The following NECAB2 variants were observed in gnomAD, a reference collection of about 807,000 sequenced individuals.
NECAB2 encodes the protein N-terminal EF-hand calcium-binding protein 2.
In NECAB2, 68 loss-of-function variants were observed where a neutral mutation model predicts 51.9. The observed-to-expected ratio is 1.31, with a 90% CI of 1.08 to 1.60. The LOEUF is 1.60. Among genes scored for constraint, NECAB2 ranks in the 40% most tolerant of loss-of-function variants. The probability of loss-of-function intolerance (pLI) is 0.00; values close to 1 mark genes in which losing one functional copy is unlikely to be tolerated. For missense variants in NECAB2, 854 were observed against 490.3 expected, an observed-to-expected ratio of 1.74 and a Z score of -7.00; for synonymous variants, 329 against 203.5, an observed-to-expected ratio of 1.62 and a Z score of -5.25.
At chr16:83,998,132 TGGG>T (rs1328745657) in intron 9 of NECAB2, 70 bp from the exon 10 acceptor site, 9 of 1,356,242 alleles carry the variant, frequency 6.6e-6, no homozygotes, top group Non-Finnish European at 8.2e-6. Flanking sequence ...AGGGAGGTCA[TGGG>T]GGCCTGATGG....
intron 5 of NECAB2, among the ~76,000 whole-genome samples, chr16:83,988,936 T>C (rs1276437962): frequency 1.3e-5 from 2 of 152,176 alleles, no homozygotes; most frequent in Non-Finnish European, 2.9e-5. Context: ...TGCTTTTCAG[T>C]TGTGGAGGAG....
intron 10 of NECAB2, among the ~76,000 whole-genome samples, chr16:83,998,620 T>G (rs1345125249): frequency 1.3e-5 from 2 of 152,132 alleles, no homozygotes; most frequent in East Asian, 3.9e-4. Context: ...ATCTCAAGTG[T>G]GAAGGGCTCC....
At chr16:83,994,444 T>TG (rs1294974848) in intron 7 of NECAB2, 24 bp downstream of exon 7, 6 of 1,612,052 alleles carry the variant, frequency 3.7e-6, no homozygotes, top group Non-Finnish European at 4.2e-6. Flanking sequence ...GGGGCCCTGG[T>TG]GGGGGTACCA....
In NECAB2 at chr16:83,998,320, G is replaced by C. The variant is rs773613208; in HGVS notation, c.962+3G>C. On this transcript the variant is annotated splice_donor_region_variant and intron_variant, in intron 10 of 12. Coordinates refer to ENST00000305202, the MANE Select transcript of NECAB2 (RefSeq NM_019065.3). Reference sequence around the variant, plus strand: ...ACTGGCGTGAGGAACTGCTTCCAGTGAGTGAGCTGCCGAGGCGTGGGTGGG... The same window carrying C: ...ACTGGCGTGAGGAACTGCTTCCAGTCAGTGAGCTGCCGAGGCGTGGGTGGG... 1 of 1,613,008 alleles carries C rather than the reference G, an allele frequency of 6.2e-7. No individual in the cohort carries two copies. The highest frequency in any genetic ancestry group is 2.2e-5 in the East Asian group (1 of 44,880).
chr16:83,994,273 G>A lies in NECAB2; in HGVS notation c.597-29G>A, dbSNP rs577531007. ...TAAGGGCCCTGAAGCCACCGCCATG[G>A]TCTGTGTGTGTTCCCATCCAAACTG... is the stretch of plus-strand genomic sequence containing the variant. On this transcript the variant is annotated intron_variant, in intron 6 of 12. Transcript: ENST00000305202. The A allele has an allele frequency of 1.5e-5, 24 of 1,608,574 alleles. No homozygotes were observed. The East Asian group carries it at 5.4e-4, about 36-fold the overall frequency.
Position 83,994,343 on chromosome 16 carries a change from G to A in NECAB2, c.638G>A (p.Trp213Ter). The change falls in exon 7 of 13, where the codon TGG (tryptophan) becomes TAG (stop). Residue 213 changes from tryptophan to a stop codon, truncating the protein, a stop_gained. Coordinates refer to ENST00000305202, the MANE Select transcript of NECAB2 (RefSeq NM_019065.3). LOFTEE classifies it high-confidence loss of function. ...IKPSHSAAQT[W>*]CGSPTPASAP... ...CCCAGCCACAGCGCGGCACAGACCT[G>A]GTGTGGAAGCCCCACTCCCGCCTCT... is the stretch of plus-strand genomic sequence containing the variant. The A allele has an allele frequency of 6.2e-7, 1 of 1,614,170 alleles. No individual in the cohort carries two copies. The highest frequency in any genetic ancestry group is 8.5e-7 in the Non-Finnish European group (1 of 1,180,030).
At chr16:83,984,367 T>G (rs573657423) in intron 5 of NECAB2, among the ~76,000 whole-genome samples, 1 of 152,086 alleles carries the variant, frequency 6.6e-6, no homozygotes, top group Non-Finnish European at 1.5e-5. Flanking sequence ...GTTTTATGAT[T>G]ATTTTTAAAA....
chr16:83,980,598 G>A (rs1360939548), intron 3 of NECAB2, among the ~76,000 whole-genome samples: 18 of 152,114 alleles, frequency 1.2e-4, no homozygotes, highest in Admixed American at 1.2e-3. Flanking sequence ...TTCATGATGG[G>A]GTCAGCAGAC....
chr16:84,001,997 CG>C, intron 12 of NECAB2, 81 bp downstream of exon 12: 1 of 1,454,802 alleles, frequency 6.9e-7, no homozygotes, highest in East Asian at 2.4e-5. Flanking sequence ...CCATATCTCC[CG>C]GGGACTTGCC....
At chr16:83,965,779 C>G (rs370513864), upstream of NECAB2, 2 of 1,613,188 alleles carry the variant, frequency 1.2e-6, no homozygotes. Context: ...ACCCCGACCT[C>G]TCCTTCCTGC....
In NECAB2 at chr16:83,994,305, G is replaced by A. The variant is rs745761650; in HGVS notation, c.600G>A (p.Gln200=). The change falls in exon 7 of 13, where the codon CAG becomes CAA. Residue 200 remains glutamine (Q), a synonymous_variant. Transcript: ENST00000305202. ...TGTGTTCCCATCCAAACTGCAGACA[G>A]AACCACATCAAACCCAGCCACAGCG... The part of the protein sequence containing the change: ...AIEEQTSQLR[Q]NHIKPSHSAA... 2.5e-6 allele frequency: 4 copies of A among 1,614,230 alleles called. No homozygotes were observed. In the South Asian group the frequency reaches 4.4e-5, roughly 18 times the overall value.
intron 2 of NECAB2, among the ~76,000 whole-genome samples, 195 bp downstream of exon 2, chr16:83,972,370 G>C (rs2084359207): frequency 6.6e-6 from 1 of 152,172 alleles, no homozygotes; most frequent in South Asian, 2.1e-4. Flanking sequence ...AATCCTAGTA[G>C]GGCCTACTTA....
chr16:83,965,281 G>A (rs369018666), upstream of NECAB2: 15 of 1,604,872 alleles, frequency 9.3e-6, no homozygotes, highest in Admixed American at 8.4e-5. Flanking sequence ...AGCCCTTCTC[G>A]CTGTGGGCCC....
At chr16:83,965,241 G>A (rs772598622), upstream of NECAB2, 25 of 1,612,208 alleles carry the variant, frequency 1.6e-5, no homozygotes, top group Non-Finnish European at 1.9e-5. Flanking sequence ...TTCCAGGTGA[G>A]CGGCTTCCTG....
At chr16:83,967,514 A>AGGAT (rs1212628070), upstream of NECAB2, among the ~76,000 whole-genome samples, 5 of 44,398 alleles carry the variant, frequency 1.1e-4, no homozygotes, top group African/African-American at 4.6e-4. Context: ...GATGGGAGGG[A>AGGAT]GGATGGATGG....
At chr16:83,970,065 T>C (rs2084332182) in intron 1 of NECAB2, among the ~76,000 whole-genome samples, 1 of 152,046 alleles carries the variant, frequency 6.6e-6, no homozygotes, top group Non-Finnish European at 1.5e-5. Context: ...CATCCCCTCC[T>C]CAGGACCCCC....
chr16:83,995,430 G>T (rs28433987), intron 8 of NECAB2, among the ~76,000 whole-genome samples: 15 of 152,240 alleles, frequency 9.9e-5, no homozygotes, highest in Admixed American at 2.6e-4. Context: ...CCTCATAGGG[G>T]TGTCGTTAGG....
At position 83,978,455 on chromosome 16, in the gene NECAB2, C is replaced by T. The variant is rs763182822; in HGVS notation, c.238C>T (p.Leu80=). 1.2e-6 allele frequency: 2 copies of T among 1,613,840 alleles called. No homozygotes were observed. Among genetic ancestry groups the T allele is most frequent in the Non-Finnish European group, 1.7e-6 (2 of 1,179,908 alleles). ...RRADKNDDGK[L]SLEEFQLFFA... is the part of the protein sequence containing the mutation. ...TTCCTTCCTTGCAGATGATGGGAAG[C>T]TGTCCTTGGAGGAATTCCAGCTCTT... Residue 80 remains leucine, a synonymous_variant, in exon 3 of 13, where the codon CTG becomes TTG. Transcript: ENST00000305202.
chr16:83,977,009 G>T (rs1344545506), intron 2 of NECAB2, among the ~76,000 whole-genome samples: 2 of 152,266 alleles, frequency 1.3e-5, no homozygotes, highest in African/African-American at 2.4e-5. Flanking sequence ...CCCACCCGAG[G>T]AAATGGAGGG....
Sources: gnomAD v4.1 joint callset for allele counts (sites outside exome capture counted in the v4.1 genomes callset) on GRCh38, gnomAD v4.1.1 for gene constraint, MANE v1.5 for transcripts, NCBI Gene and HGNC (gene_info 2026-07-23, HGNC 2026-07-21) for gene names.